Variants in XPO6 observed in about 807,000 individuals in gnomAD.
XPO6 encodes the protein exportin-6.
XPO6 carries 3 observed loss-of-function variants against 130.0 expected under a neutral mutation model. That is an observed-to-expected ratio of 0.02 (90% CI 0.01 to 0.06). The LOEUF is 0.06. XPO6 is among the 10% of genes least tolerant of loss of function. The probability of loss-of-function intolerance (pLI) is 1.00; values close to 1 mark genes in which losing one functional copy is unlikely to be tolerated. For missense variants in XPO6, 970 were observed against 1,393.0 expected (o/e 0.70, Z 4.83); for synonymous variants, 524 against 548.9 (o/e 0.95, Z 0.63).
chr16:28,203,368 T>A (rs762726060), intron 1 of XPO6, among the ~76,000 whole-genome samples: 4 of 151,278 alleles, frequency 2.6e-5, no homozygotes, highest in Admixed American at 6.6e-5. Context: ...AGAGGTAGAG[T>A]GGCAACCACA....
At chr16:28,165,034 T>C (rs1485342392) in intron 6 of XPO6, among the ~76,000 whole-genome samples, 1 of 152,084 alleles carries the variant, frequency 6.6e-6, no homozygotes, top group Non-Finnish European at 1.5e-5. Context: ...CTGGGCAACA[T>C]GGCGAAACCC....
rs1167238102 is a variant in XPO6 at position 28,166,518 on chromosome 16, T to C, written c.633A>G (p.Ser211=). 2.5e-6 allele frequency: 4 copies of C among 1,588,958 alleles called. No homozygotes were observed. The South Asian group carries it at 3.4e-5, about 14-fold the overall frequency. Residue 211 remains serine, a synonymous_variant, in exon 6 of 24, where the codon TCA becomes TCG. Transcript: ENST00000304658. Reference sequence around the variant, plus strand: ...GCAGGCAGACCATACCACTTTCTCCTGAGGTCGGGGATGGTGGTGGAGTGG... The same window carrying C: ...GCAGGCAGACCATACCACTTTCTCCCGAGGTCGGGGATGGTGGTGGAGTGG... ...TAATPPPSPT[S]GESGDLLSNL... is the part of the protein sequence containing the mutation.
chr16:28,144,485 A>C (rs2042949048), intron 9 of XPO6, among the ~76,000 whole-genome samples: 1 of 152,238 alleles, frequency 6.6e-6, no homozygotes, highest in African/African-American at 2.4e-5. Context: ...ATCACTGCAC[A>C]CAACAGTTCT....
chr16:28,162,747 G>A (rs893725689), intron 6 of XPO6, among the ~76,000 whole-genome samples: 1 of 151,410 alleles, frequency 6.6e-6, no homozygotes, highest in East Asian at 1.9e-4. Flanking sequence ...TTAGAGATGG[G>A]GTCTCACTAT....
At chr16:28,164,450 A>T (rs1196854727) in intron 6 of XPO6, among the ~76,000 whole-genome samples, 3 of 152,334 alleles carry the variant, frequency 2.0e-5, no homozygotes, top group South Asian at 2.1e-4. Flanking sequence ...AAGAAAGAAA[A>T]ATACTGTAAC....
chr16:28,168,346 G>T (rs950851987), intron 5 of XPO6, among the ~76,000 whole-genome samples: 3 of 152,060 alleles, frequency 2.0e-5, no homozygotes, highest in Non-Finnish European at 4.4e-5. Context: ...AGCCAGGCGT[G>T]GTGCCGCATG....
chr16:28,128,073 G>A (rs2042596040), intron 12 of XPO6, among the ~76,000 whole-genome samples: 1 of 152,154 alleles, frequency 6.6e-6, no homozygotes. Context: ...GTACGAAAGG[G>A]AACACAGACT....
Position 28,177,350 on chromosome 16 carries a change from C to A in XPO6, c.95-18G>T. On this transcript the variant is annotated intron_variant, in intron 2 of 23. Coordinates refer to ENST00000304658, the MANE Select transcript of XPO6 (RefSeq NM_015171.4). ...AAGCTCCTCTGGAAAAGTTAAATGG[C>A]AACAAAAGAAAGCTATGAAAATACA... is the stretch of plus-strand genomic sequence containing the variant. The A allele has an allele frequency of 6.6e-7, 1 of 1,505,748 alleles. No homozygotes were observed. The highest frequency in any genetic ancestry group is 1.2e-5 in the South Asian group (1 of 86,148). 93.3% of individuals were successfully genotyped at this position (1,505,748 alleles called of 1,614,324 possible).
intron 13 of XPO6, among the ~76,000 whole-genome samples, chr16:28,125,198 A>C (rs1453558631): frequency 1.3e-5 from 2 of 152,232 alleles, no homozygotes; most frequent in East Asian, 1.9e-4. Context: ...CCGAGGCCCT[A>C]ATGGGACTGG....
At chr16:28,123,652 A>AGAACTAAGTC (rs2087310373) in intron 13 of XPO6, among the ~76,000 whole-genome samples, 1 of 152,218 alleles carries the variant, frequency 6.6e-6, no homozygotes, top group Admixed American at 6.5e-5. Context: ...AGTGAGGGCA[A>AGAACTAAGTC]AAGAACTAAG....
chr16:28,128,281 C>T (rs1315379638), intron 12 of XPO6, among the ~76,000 whole-genome samples: 2 of 152,154 alleles, frequency 1.3e-5, no homozygotes, highest in Non-Finnish European at 2.9e-5. Flanking sequence ...ATGAAAAATA[C>T]ACCCTGACAC....
chr16:28,190,930 G>A (rs981027331), intron 1 of XPO6, among the ~76,000 whole-genome samples: 2 of 152,058 alleles, frequency 1.3e-5, no homozygotes, highest in East Asian at 1.9e-4. Context: ...AAATATTAAC[G>A]GTAGGTGAGT....
chr16:28,124,075 G>A (rs1015244229), intron 13 of XPO6, among the ~76,000 whole-genome samples: 2 of 66,538 alleles, frequency 3.0e-5, no homozygotes, highest in East Asian at 7.1e-4. Flanking sequence ...TTTTTTTTTT[G>A]AGACGGAGTT....
At chr16:28,125,572 G>A in intron 13 of XPO6, 117 bp downstream of exon 13, 1 of 1,326,456 alleles carries the variant, frequency 7.5e-7, no homozygotes, top group Non-Finnish European at 1.0e-6. Flanking sequence ...ATGTGGCAGA[G>A]CCTAGATTTA....
At chr16:28,162,920 T>A (rs2043300196) in intron 6 of XPO6, among the ~76,000 whole-genome samples, 1 of 152,190 alleles carries the variant, frequency 6.6e-6, no homozygotes, top group South Asian at 2.1e-4. Flanking sequence ...CTATCAGTTG[T>A]ATATTTACTA....
intron 20 of XPO6, among the ~76,000 whole-genome samples, 156 bp from the exon 21 acceptor site, chr16:28,104,863 G>A (rs1198771404): frequency 1.3e-5 from 2 of 152,198 alleles, no homozygotes; most frequent in African/African-American, 4.8e-5. Context: ...AAGACATCCA[G>A]CCCCTGGAGT....
intron 1 of XPO6, among the ~76,000 whole-genome samples, chr16:28,210,097 C>T (rs2044101857): frequency 6.6e-6 from 1 of 152,160 alleles, no homozygotes; most frequent in South Asian, 2.1e-4. Context: ...CCACTGCACT[C>T]CAGCCTAGGA....
chr16:28,112,601 G>C (rs981995597), intron 16 of XPO6, among the ~76,000 whole-genome samples: 14 of 152,230 alleles, frequency 9.2e-5, no homozygotes, highest in Non-Finnish European at 2.1e-4. Flanking sequence ...CTTTGAATCA[G>C]AAAGAATGCA....
intron 1 of XPO6, among the ~76,000 whole-genome samples, chr16:28,181,761 T>C (rs750843857): frequency 1.3e-5 from 2 of 152,060 alleles, no homozygotes; most frequent in Non-Finnish European, 2.9e-5. Context: ...CCAACAGAGA[T>C]TAAAGTGCAG....
Sources: gnomAD v4.1 joint callset for allele counts (sites outside exome capture counted in the v4.1 genomes callset) on GRCh38, gnomAD v4.1.1 for gene constraint, MANE v1.5 for transcripts, NCBI Gene and HGNC (gene_info 2026-07-23, HGNC 2026-07-21) for gene names.